Variants in PDZRN3 observed in about 807,000 individuals in gnomAD.
PDZRN3 encodes PDZ domain containing ring finger 3.
PDZRN3 carries 38 observed loss-of-function variants against 85.7 expected under a neutral mutation model. The observed-to-expected ratio is 0.44, with a 90% CI of 0.34 to 0.58. The LOEUF is 0.58. PDZRN3 is among the 20% of genes least tolerant of loss of function. The pLI is 0.01. For missense variants in PDZRN3, 1,629 were observed against 1,506.4 expected, an observed-to-expected ratio of 1.08 and a Z score of -1.35; for synonymous variants, 759 against 638.0, an observed-to-expected ratio of 1.19 and a Z score of -2.86.
At chr3:73,622,012 A>C (rs1261744706) in intron 1 of PDZRN3, among the ~76,000 whole-genome samples, 4 of 152,218 alleles carry the variant, frequency 2.6e-5, no homozygotes, top group African/African-American at 9.6e-5. Flanking sequence ...GGGGCAGTGA[A>C]TGGCTTATTT....
intron 3 of PDZRN3, among the ~76,000 whole-genome samples, chr3:73,443,794 C>T (rs1327221543): frequency 1.3e-5 from 2 of 151,886 alleles, no homozygotes; most frequent in South Asian, 2.1e-4. Flanking sequence ...GAGCCTGGTC[C>T]AGCTTTTTTT....
At chr3:73,431,050 A>C (rs1230889076) in intron 3 of PDZRN3, among the ~76,000 whole-genome samples, 1 of 152,044 alleles carries the variant, frequency 6.6e-6, no homozygotes, top group Non-Finnish European at 1.5e-5. Context: ...AGCATAAAGA[A>C]CTGCTATACT....
At chr3:73,553,138 CA>C (rs1424388724) in intron 3 of PDZRN3, among the ~76,000 whole-genome samples, 1 of 152,172 alleles carries the variant, frequency 6.6e-6, no homozygotes, top group African/African-American at 2.4e-5. Flanking sequence ...GGTAAGCGGA[CA>C]TGTCTTAACT....
chr3:73,511,869 G>C (rs942187924), intron 3 of PDZRN3, among the ~76,000 whole-genome samples: 1 of 152,170 alleles, frequency 6.6e-6, no homozygotes, highest in Non-Finnish European at 1.5e-5. Context: ...GCTTCCAACC[G>C]TCTGGGCGAA....
At chr3:73,518,755 A>G (rs1704298641) in intron 3 of PDZRN3, among the ~76,000 whole-genome samples, 1 of 152,118 alleles carries the variant, frequency 6.6e-6, no homozygotes, top group Non-Finnish European at 1.5e-5. Flanking sequence ...ACATGGTGGA[A>G]AGGACTATGC....
chr3:73,530,867 T>C (rs1704636714), intron 3 of PDZRN3, among the ~76,000 whole-genome samples: 1 of 152,228 alleles, frequency 6.6e-6, no homozygotes, highest in African/African-American at 2.4e-5. Flanking sequence ...TAGCAGGTTA[T>C]GAAGATCAGA....
intron 5 of PDZRN3, among the ~76,000 whole-genome samples, chr3:73,392,457 A>G (rs1701547934): frequency 6.6e-6 from 1 of 152,010 alleles, no homozygotes; most frequent in African/African-American, 2.4e-5. Context: ...TCAGATCCCA[A>G]CTCTCCCTCT....
intron 3 of PDZRN3, among the ~76,000 whole-genome samples, chr3:73,527,774 A>T (rs371876533): frequency 6.6e-6 from 1 of 152,276 alleles, no homozygotes; most frequent in East Asian, 1.9e-4. Context: ...TGGGCTCGGC[A>T]TTGTTGAAAG....
chr3:73,537,766 T>C (rs1269934592), intron 3 of PDZRN3, among the ~76,000 whole-genome samples: 1 of 150,742 alleles, frequency 6.6e-6, no homozygotes, highest in Non-Finnish European at 1.5e-5. Flanking sequence ...ATTACAGGCC[T>C]GCGCCACCAC....
At chr3:73,528,751 G>A (rs1251358739) in intron 3 of PDZRN3, among the ~76,000 whole-genome samples, 5 of 152,112 alleles carry the variant, frequency 3.3e-5, no homozygotes, top group African/African-American at 1.2e-4. Flanking sequence ...TTGCGGGACT[G>A]GATATTGGTA....
chr3:73,587,461 G>C (rs973749443), intron 3 of PDZRN3, among the ~76,000 whole-genome samples: 1 of 152,170 alleles, frequency 6.6e-6, no homozygotes, highest in Non-Finnish European at 1.5e-5. Flanking sequence ...CCGCACGACG[G>C]ACAAATGTAC....
chr3:73,581,053 T>C (rs560066366), intron 3 of PDZRN3, among the ~76,000 whole-genome samples: 1 of 152,310 alleles, frequency 6.6e-6, no homozygotes, highest in African/African-American at 2.4e-5. Flanking sequence ...ATTTTGGAGT[T>C]TGAGGTTTAC....
rs528759265 is a variant in PDZRN3, at chr3:73,564,517, C to T, written c.918+37837G>A. Among the ~76,000 whole-genome samples, 32 of 152,264 alleles carry T rather than the reference C, an allele frequency of 2.1e-4. No individual in the cohort carries two copies. In the South Asian group the frequency reaches 5.6e-3, roughly 27 times the overall value. ...CCGTTCCTTGAGGTTTCTTCTCCGC[C>T]CTGCACTTTCTCTTGTGGGTTGAAG... On this transcript the variant is annotated intron_variant, in intron 3 of 9. Coordinates refer to ENST00000263666, the MANE Select transcript of PDZRN3 (RefSeq NM_015009.3).
At chr3:73,496,150 A>G (rs1703861682) in intron 3 of PDZRN3, among the ~76,000 whole-genome samples, 1 of 152,228 alleles carries the variant, frequency 6.6e-6, no homozygotes, top group Non-Finnish European at 1.5e-5. Context: ...TGTATGATAC[A>G]TACAAAATAA....
chr3:73,406,814 T>G (rs1157283495), intron 3 of PDZRN3, among the ~76,000 whole-genome samples: 5 of 152,182 alleles, frequency 3.3e-5, no homozygotes, highest in African/African-American at 1.2e-4. Flanking sequence ...CTAAGCTAGG[T>G]GAGGAGAGGA....
chr3:73,388,019 G>T lies in PDZRN3; in HGVS notation c.1467C>A (p.Thr489=), dbSNP rs367640801. 9.8e-6 allele frequency: 15 copies of T among 1,536,490 alleles called. No homozygotes were observed. The highest frequency in any genetic ancestry group is 1.3e-5 in the Non-Finnish European group (15 of 1,133,606). The part of the protein sequence containing the change: ...QNREEAVALL[T]SEENKNFSLL... ...ATGAAAAGTTTTTATTTTCTTCACT[G>T]GTTAGAAGAGCCACAGCCTCTTCAC... Residue 489 remains threonine (T), a synonymous_variant, in exon 8 of 10, where the codon ACC becomes ACA. Coordinates refer to ENST00000263666, the MANE Select transcript of PDZRN3 (RefSeq NM_015009.3).
chr3:73,507,815 C>T (rs141121161), intron 3 of PDZRN3, among the ~76,000 whole-genome samples: 95 of 152,194 alleles, frequency 6.2e-4, no homozygotes, highest in East Asian at 2.3e-3. Flanking sequence ...TGCAGCTGGC[C>T]GGGCGCAGTG....
chr3:73,390,841 C>G (rs1701508781), intron 6 of PDZRN3, among the ~76,000 whole-genome samples, 177 bp downstream of exon 6: 1 of 151,870 alleles, frequency 6.6e-6, no homozygotes. Flanking sequence ...TAAGTACTGG[C>G]ATTAGAACTT....
Position 73,383,779 on chromosome 3 carries a change from C to T in PDZRN3, c.2787G>A (p.Gly929=), listed in dbSNP as rs1576013097. The part of the protein sequence containing the change: ...MEWKVKIRSD[G]TRYITKRPVR... ...CGGGCCTCTTGGTGATGTAGCGCGT[C>T]CCGTCGCTGCGGATCTTCACCTTCC... The change falls in exon 10 of 10, where the codon GGG becomes GGA. Residue 929 remains glycine, a synonymous_variant. Transcript: ENST00000263666. The T allele has an allele frequency of 3.1e-6, 5 of 1,613,398 alleles. No individual in the cohort carries two copies. Among genetic ancestry groups the T allele is most frequent in the Non-Finnish European group, 4.2e-6 (5 of 1,179,988 alleles).
Sources: allele counts gnomAD v4.1 joint callset (sites outside exome capture counted in the v4.1 genomes callset), GRCh38; gene constraint gnomAD v4.1.1; transcripts MANE v1.5; gene names NCBI Gene and HGNC (gene_info 2026-07-23, HGNC 2026-07-21).